The following ELP4 variants were observed in gnomAD, a reference collection of about 807,000 sequenced individuals.
ELP4 encodes elongator complex protein 4.
A neutral mutation model predicts 48.9 loss-of-function variants in ELP4; 51 were observed. The observed-to-expected ratio is 1.04, with a 90% CI of 0.83 to 1.32. The LOEUF is 1.32. Ranked by LOEUF, ELP4 falls within the 40% of genes most tolerant of loss-of-function variation. ELP4 has a pLI of 0.00. For missense variants in ELP4, 519 were observed against 514.6 expected (o/e 1.01, Z -0.08); for synonymous variants, 210 against 189.2 (o/e 1.11, Z -0.90).
intron 9 of ELP4, among the ~76,000 whole-genome samples, chr11:31,668,076 G>A (rs1945718128): frequency 6.6e-6 from 1 of 152,104 alleles, no homozygotes; most frequent in Non-Finnish European, 1.5e-5. Flanking sequence ...AAGTTTAAAT[G>A]GTAATTATTG....
At chr11:31,573,934 A>G (rs945795798) in intron 3 of ELP4, among the ~76,000 whole-genome samples, 22 of 152,140 alleles carry the variant, frequency 1.4e-4, no homozygotes, top group African/African-American at 5.3e-4. Context: ...TCATTAGGGG[A>G]TAGGACTTCA....
intron 5 of ELP4, 46 bp from the exon 6 acceptor site, chr11:31,627,063 TA>T (rs1944759745): frequency 9.6e-7 from 1 of 1,038,748 alleles, no homozygotes. Flanking sequence ...GTGTACTTCT[TA>T]TGTAATAACC....
At chr11:31,699,731 G>A (rs1946481802) in intron 9 of ELP4, among the ~76,000 whole-genome samples, 1 of 152,098 alleles carries the variant, frequency 6.6e-6, no homozygotes, top group Admixed American at 6.6e-5. Flanking sequence ...TGAACAATAT[G>A]ACCAGATGAT....
At chr11:31,732,958 A>C (rs1048316187) in intron 9 of ELP4, among the ~76,000 whole-genome samples, 7 of 152,190 alleles carry the variant, frequency 4.6e-5, no homozygotes, top group Non-Finnish European at 1.5e-5. Context: ...AATATGCAGC[A>C]AGACAATAAT....
chr11:31,627,447 A>G (rs1415023503), intron 6 of ELP4, among the ~76,000 whole-genome samples: 2 of 152,038 alleles, frequency 1.3e-5, no homozygotes, highest in East Asian at 1.9e-4. Flanking sequence ...ATTTTTAAAT[A>G]TGCATTTGTA....
At chr11:31,517,419 C>T (rs1303226087) in intron 1 of ELP4, among the ~76,000 whole-genome samples, 2 of 152,116 alleles carry the variant, frequency 1.3e-5, no homozygotes, top group African/African-American at 2.4e-5. Context: ...CTGCCTCGGC[C>T]TTCCAAAGTG....
At chr11:31,593,243 T>TGTTGTA (rs757464284) in intron 3 of ELP4, among the ~76,000 whole-genome samples, 1 of 25,872 alleles carries the variant, frequency 3.9e-5, no homozygotes, top group Non-Finnish European at 2.3e-4. Flanking sequence ...TTGTTGTTGT[T>TGTTGTA]GTTGTTGTTG....
At chr11:31,584,449 A>G (rs1957440217) in intron 3 of ELP4, among the ~76,000 whole-genome samples, 1 of 152,158 alleles carries the variant, frequency 6.6e-6, no homozygotes, top group South Asian at 2.1e-4. Context: ...ATATAAAGGC[A>G]GGAAAATAAT....
intron 9 of ELP4, among the ~76,000 whole-genome samples, chr11:31,780,369 A>G (rs1235990939): frequency 6.6e-6 from 1 of 152,226 alleles, no homozygotes; most frequent in East Asian, 1.9e-4. Context: ...AGAAAGAAAG[A>G]AAACAAAACC....
chr11:31,576,639 A>C (rs371406175), intron 3 of ELP4, among the ~76,000 whole-genome samples: 5 of 152,158 alleles, frequency 3.3e-5, no homozygotes, highest in African/African-American at 1.2e-4. Flanking sequence ...TAAGACACTC[A>C]CTCAAAACCA....
intron 9 of ELP4, among the ~76,000 whole-genome samples, chr11:31,753,012 A>G (rs938114730): frequency 1.3e-5 from 2 of 152,152 alleles, no homozygotes; most frequent in Non-Finnish European, 2.9e-5. Flanking sequence ...ACTCATCTGT[A>G]TAAGGGTCAT....
chr11:31,614,996 A>T (rs1229540070), intron 5 of ELP4, among the ~76,000 whole-genome samples: 1 of 152,122 alleles, frequency 6.6e-6, no homozygotes, highest in Non-Finnish European at 1.5e-5. Flanking sequence ...TGAGGATTAG[A>T]TGGTAGTCTC....
intron 3 of ELP4, among the ~76,000 whole-genome samples, chr11:31,585,556 A>G (rs1376432328): frequency 6.6e-6 from 1 of 152,208 alleles, no homozygotes; most frequent in African/African-American, 2.4e-5. Flanking sequence ...AAACACATCA[A>G]TCTGAAAGAA....
chr11:31,647,857 CA>C lies in ELP4; in HGVS notation c.1036+10del. The C allele has an allele frequency of 6.6e-7, 1 of 1,505,910 alleles. No individual in the cohort carries two copies. The highest frequency in any genetic ancestry group is 9.2e-7 in the Non-Finnish European group (1 of 1,082,798). 93.3% of individuals were successfully genotyped at this position (1,505,910 alleles called of 1,614,324 possible). ...TGTATAAGGATTATCATGGTAAGTA[CA>C]ACCTTCATAATGAGAAGAGCAGGAG... On this transcript the variant is annotated intron_variant, in intron 8 of 9. Coordinates refer to ENST00000640961, the MANE Select transcript of ELP4 (RefSeq NM_019040.5).
At chr11:31,617,676 A>AG (rs1944520607) in intron 5 of ELP4, among the ~76,000 whole-genome samples, 1 of 151,860 alleles carries the variant, frequency 6.6e-6, no homozygotes, top group African/African-American at 2.4e-5. Flanking sequence ...AACCAAACAA[A>AG]GAAATACTCA....
At chr11:31,706,101 A>G (rs1020136327) in intron 9 of ELP4, among the ~76,000 whole-genome samples, 1 of 152,140 alleles carries the variant, frequency 6.6e-6, no homozygotes, top group East Asian at 1.9e-4. Flanking sequence ...GCATTTTTGT[A>G]TGTTGTATTT....
intron 9 of ELP4, among the ~76,000 whole-genome samples, chr11:31,704,780 G>A (rs1386742324): frequency 2.0e-5 from 3 of 152,194 alleles, no homozygotes; most frequent in African/African-American, 7.2e-5. Flanking sequence ...GGAGGCCGAG[G>A]TGGGTGGATC....
intron 9 of ELP4, among the ~76,000 whole-genome samples, chr11:31,677,697 CT>C (rs1945958584): frequency 6.6e-6 from 1 of 152,088 alleles, no homozygotes; most frequent in South Asian, 2.1e-4. Context: ...TGTTAATAGA[CT>C]TTTTAAAGAG....
intron 9 of ELP4, among the ~76,000 whole-genome samples, chr11:31,678,587 A>G (rs1056774948): frequency 1.4e-5 from 2 of 146,974 alleles, no homozygotes; most frequent in African/African-American, 5.1e-5. Flanking sequence ...TGGCTTGATA[A>G]CTCATTTCTT....
Sources: allele counts gnomAD v4.1 joint callset (sites outside exome capture counted in the v4.1 genomes callset), GRCh38; gene constraint gnomAD v4.1.1; transcripts MANE v1.5; gene names NCBI Gene and HGNC (gene_info 2026-07-23, HGNC 2026-07-21).